TMEM217B: variants seen among roughly 807,000 people sequenced by gnomAD.
TMEM217B encodes the protein putative transmembrane protein 217B.
chr6:37,250,738 A>C, the TMEM217B span, among the ~76,000 whole-genome samples: 1 of 152,376 alleles, frequency 6.6e-6, no homozygotes. Context: ...TAAGTGTAAA[A>C]AAGCTGGGAA....
the TMEM217B span, among the ~76,000 whole-genome samples, chr6:37,238,812 T>C: frequency 1.3e-5 from 2 of 152,222 alleles, no homozygotes; most frequent in African/African-American, 2.4e-5. Flanking sequence ...AGTATTCTTC[T>C]AAGTATTGAT....
the TMEM217B span, among the ~76,000 whole-genome samples, chr6:37,220,962 G>T: frequency 6.6e-6 from 1 of 151,764 alleles, no homozygotes; most frequent in African/African-American, 2.4e-5. Flanking sequence ...ATATATACAA[G>T]ATAAAATTTT....
the TMEM217B span, among the ~76,000 whole-genome samples, chr6:37,231,919 T>C: frequency 6.6e-6 from 1 of 151,690 alleles, no homozygotes; most frequent in East Asian, 1.9e-4. Flanking sequence ...TAAAAAAAAA[T>C]TACAGAATCT....
the TMEM217B span, among the ~76,000 whole-genome samples, chr6:37,252,967 C>T: frequency 1.2e-4 from 19 of 152,088 alleles, no homozygotes; most frequent in South Asian, 2.3e-3. Context: ...TATTAAAAAA[C>T]GGTAACATTA....
the TMEM217B span, among the ~76,000 whole-genome samples, chr6:37,224,490 C>T: frequency 5.3e-5 from 8 of 151,474 alleles, no homozygotes; most frequent in East Asian, 2.0e-4. Flanking sequence ...CCCAGCTACT[C>T]GGGAGGCTGA....
chr6:37,219,119 C>CAAA, the TMEM217B span: 1 of 1,288,922 alleles, frequency 7.8e-7, no homozygotes, highest in Non-Finnish European at 1.1e-6. Flanking sequence ...GCCTCCTTCC[C>CAAA]CAAATCTACT....
the TMEM217B span, among the ~76,000 whole-genome samples, chr6:37,252,107 G>A: frequency 2.0e-5 from 3 of 152,140 alleles, no homozygotes; most frequent in South Asian, 2.1e-4. Context: ...TGGTCAGGCC[G>A]GTCTCGAACT....
At chr6:37,257,459 A>C in the TMEM217B span, 1 of 157,098 alleles carries the variant, frequency 6.4e-6, no homozygotes, top group South Asian at 1.7e-4. Flanking sequence ...AGATTCCTAT[A>C]TATAAATACA....
At chr6:37,247,607 C>T in the TMEM217B span, among the ~76,000 whole-genome samples, 1 of 152,118 alleles carries the variant, frequency 6.6e-6, no homozygotes, top group East Asian at 1.9e-4. Flanking sequence ...AGGATGGTCT[C>T]GATCTCCTGA....
the TMEM217B span, among the ~76,000 whole-genome samples, chr6:37,236,161 T>A: frequency 6.6e-6 from 1 of 152,164 alleles, no homozygotes; most frequent in Admixed American, 6.5e-5. Flanking sequence ...AAAAACAATT[T>A]AAAAAAACAG....
chr6:37,218,706 C>T, the TMEM217B span: 1 of 1,614,072 alleles, frequency 6.2e-7, no homozygotes, highest in Non-Finnish European at 8.5e-7. Context: ...TGTATTACGA[C>T]GTTTGCAGTT....
the TMEM217B span, among the ~76,000 whole-genome samples, chr6:37,228,647 T>C: frequency 3.9e-5 from 6 of 151,932 alleles, no homozygotes; most frequent in Non-Finnish European, 5.9e-5. Flanking sequence ...GAGGTTGCAG[T>C]GAGCCGAGAT....
chr6:37,221,669 G>C, the TMEM217B span, among the ~76,000 whole-genome samples: 1 of 152,186 alleles, frequency 6.6e-6, no homozygotes, highest in Non-Finnish European at 1.5e-5. Flanking sequence ...AGTGTTACAG[G>C]ATCTCTGGGG....
the TMEM217B span, among the ~76,000 whole-genome samples, chr6:37,220,180 G>C: frequency 2.0e-5 from 3 of 152,190 alleles, no homozygotes; most frequent in Non-Finnish European, 4.4e-5. Context: ...GGGCTGACAT[G>C]TTGCCAAAAA....
chr6:37,249,868 A>G, the TMEM217B span, among the ~76,000 whole-genome samples: 1 of 152,226 alleles, frequency 6.6e-6, no homozygotes, highest in Admixed American at 6.5e-5. Flanking sequence ...GAACTTATGC[A>G]TACACTCCAG....
the TMEM217B span, chr6:37,258,132 C>A: frequency 1.3e-6 from 1 of 797,232 alleles, no homozygotes; most frequent in Non-Finnish European, 1.9e-6. Flanking sequence ...GGCAGCGAAG[C>A]GAACAGCGAG....
At chr6:37,227,008 G>A in the TMEM217B span, among the ~76,000 whole-genome samples, 1 of 152,152 alleles carries the variant, frequency 6.6e-6, no homozygotes, top group African/African-American at 2.4e-5. Flanking sequence ...TAAGGTTATT[G>A]AGTGTTAGAG....
chr6:37,252,642 T>A, the TMEM217B span, among the ~76,000 whole-genome samples: 92 of 80,710 alleles, frequency 1.1e-3, no homozygotes, highest in African/African-American at 6.1e-3. Context: ...TATATATTTT[T>A]TTTTTTTTTT....
chr6:37,234,766 T>C, the TMEM217B span, among the ~76,000 whole-genome samples: 2 of 151,940 alleles, frequency 1.3e-5, no homozygotes, highest in Non-Finnish European at 2.9e-5. Context: ...AATATCGGTA[T>C]ACACATGTAA....
Sources: allele counts gnomAD v4.1 joint callset (sites outside exome capture counted in the v4.1 genomes callset), GRCh38; gene constraint gnomAD v4.1.1; transcripts MANE v1.5; gene names NCBI Gene and HGNC (gene_info 2026-07-23, HGNC 2026-07-21).